DDR2: variants seen among roughly 807,000 people sequenced by gnomAD.
The protein encoded by DDR2 is discoidin domain receptor tyrosine kinase 2.
A neutral mutation model predicts 94.9 loss-of-function variants in DDR2; 27 were observed. The observed-to-expected ratio is 0.28, with a 90% CI of 0.21 to 0.39. DDR2 has a LOEUF of 0.39. Among genes scored for constraint, DDR2 ranks in the 10% least tolerant of loss-of-function variants. DDR2 has a pLI of 1.00. For synonymous variants in DDR2, 382 were observed against 377.2 expected, an observed-to-expected ratio of 1.01 and a Z score of -0.15; for missense variants, 783 against 1,076.0, an observed-to-expected ratio of 0.73 and a Z score of 3.81.
At chr1:162,687,566 C>A (rs1486195092) in intron 2 of DDR2, among the ~76,000 whole-genome samples, 4 of 152,114 alleles carry the variant, frequency 2.6e-5, no homozygotes, top group African/African-American at 9.7e-5. Context: ...GAAAAGAGCT[C>A]TAATGTTGGA....
chr1:162,750,259 C>A (rs942650874), intron 3 of DDR2, among the ~76,000 whole-genome samples: 4 of 152,114 alleles, frequency 2.6e-5, no homozygotes, highest in African/African-American at 9.7e-5. Flanking sequence ...ATCTCAGCCC[C>A]AAATCTCCTT....
intron 2 of DDR2, among the ~76,000 whole-genome samples, chr1:162,693,952 T>C (rs1308196873): frequency 6.6e-6 from 1 of 152,208 alleles, no homozygotes; most frequent in Non-Finnish European, 1.5e-5. Context: ...TCTCATAGTT[T>C]GCAACCTCTG....
At chr1:162,736,867 T>C (rs1259548059) in intron 3 of DDR2, among the ~76,000 whole-genome samples, 1 of 152,198 alleles carries the variant, frequency 6.6e-6, no homozygotes, top group African/African-American at 2.4e-5. Context: ...AGAAGTATAC[T>C]TAGTGTGTTT....
intron 14 of DDR2, among the ~76,000 whole-genome samples, chr1:162,774,366 A>G (rs1647406974): frequency 2.0e-5 from 3 of 152,192 alleles, no homozygotes; most frequent in Admixed American, 2.0e-4. Context: ...GATTTGTCTC[A>G]CTGATATTCA....
chr1:162,711,508 T>G (rs1014349221), intron 2 of DDR2, among the ~76,000 whole-genome samples: 1 of 152,224 alleles, frequency 6.6e-6, no homozygotes, highest in Admixed American at 6.5e-5. Flanking sequence ...AAAAGTTGTT[T>G]TTTGCAATGA....
intron 2 of DDR2, among the ~76,000 whole-genome samples, chr1:162,664,100 G>A (rs149884452): frequency 2.0e-5 from 3 of 152,234 alleles, no homozygotes; most frequent in African/African-American, 7.2e-5. Flanking sequence ...TGCAAAATGC[G>A]GGGAAGGGCT....
chr1:162,766,362 C>A (rs1663988978), intron 10 of DDR2, among the ~76,000 whole-genome samples: 1 of 152,112 alleles, frequency 6.6e-6, no homozygotes, highest in South Asian at 2.1e-4. Flanking sequence ...CTGGGTCAGA[C>A]CCATAGTGGG....
At chr1:162,660,690 C>T (rs1658248120) in intron 2 of DDR2, among the ~76,000 whole-genome samples, 1 of 152,206 alleles carries the variant, frequency 6.6e-6, no homozygotes, top group Non-Finnish European at 1.5e-5. Context: ...TCACCGGACA[C>T]CTTCCCTCCT....
chr1:162,651,758 A>T (rs7533399), intron 1 of DDR2, among the ~76,000 whole-genome samples: 139,330 of 152,270 alleles, frequency 0.92, 64,328 homozygotes, highest in Middle Eastern at 0.98. Flanking sequence ...AAATACTAAT[A>T]AAATTTAAGT....
chr1:162,761,482 G>T (rs1485373838), intron 9 of DDR2, 28 bp downstream of exon 9: 1 of 1,614,124 alleles, frequency 6.2e-7, no homozygotes, highest in Non-Finnish European at 8.5e-7. Context: ...TCTTTGGGAA[G>T]TGGGAGCAAG....
chr1:162,778,144 G>A (rs1359539371), intron 16 of DDR2: 1 of 272,960 alleles, frequency 3.7e-6, no homozygotes, highest in Non-Finnish European at 7.1e-6. Context: ...ACTTGTTAAA[G>A]TCTATCTTTC....
chr1:162,751,582 A>G (rs1483828497), intron 3 of DDR2, among the ~76,000 whole-genome samples: 1 of 152,238 alleles, frequency 6.6e-6, no homozygotes, highest in Non-Finnish European at 1.5e-5. Flanking sequence ...TGTGGAAGAC[A>G]GTGTGGCGAT....
Position 162,731,207 on chromosome 1 carries a change from C to A in DDR2, c.82+12062C>A, listed in dbSNP as rs558038962. 2.0e-5 allele frequency among the ~76,000 whole-genome samples: 3 copies of A among 152,256 alleles called. No individual in the cohort carries two copies. In the South Asian group the frequency reaches 6.2e-4, roughly 32 times the overall value. On this transcript the variant is annotated intron_variant, in intron 3 of 17. Transcript: ENST00000367921. ...TAAAAAGTGAATTTATACTTTATTG[C>A]CACTGTGATTCATGTTAACTAATCA...
chr1:162,725,503 C>G (rs1409995401), intron 3 of DDR2, among the ~76,000 whole-genome samples: 1 of 152,202 alleles, frequency 6.6e-6, no homozygotes, highest in Non-Finnish European at 1.5e-5. Context: ...CTCAGCTCCC[C>G]AAGTAGCTGG....
intron 2 of DDR2, among the ~76,000 whole-genome samples, chr1:162,674,899 A>G (rs1571181179): frequency 6.6e-6 from 1 of 152,192 alleles, no homozygotes; most frequent in Admixed American, 6.5e-5. Context: ...CATGCCTGTA[A>G]TCCCAGCACT....
chr1:162,710,750 CCA>C (rs573317011), intron 2 of DDR2, among the ~76,000 whole-genome samples: 170 of 124,448 alleles, frequency 1.4e-3, no homozygotes, highest in African/African-American at 4.7e-3. Context: ...AATGCAAGTG[CCA>C]CACACAGTCA....
intron 2 of DDR2, among the ~76,000 whole-genome samples, chr1:162,712,032 C>T (rs1044600344): frequency 9.2e-5 from 14 of 151,958 alleles, no homozygotes; most frequent in Non-Finnish European, 1.5e-5. Context: ...CTCTTTCTCA[C>T]TTGGCAGGTC....
At chr1:162,671,194 G>C (rs966458104) in intron 2 of DDR2, among the ~76,000 whole-genome samples, 4 of 152,054 alleles carry the variant, frequency 2.6e-5, no homozygotes, top group Non-Finnish European at 4.4e-5. Context: ...AGAAGGTCGT[G>C]GGGCACAGTA....
At chr1:162,640,996 T>A (rs1381131601) in intron 1 of DDR2, among the ~76,000 whole-genome samples, 1 of 152,020 alleles carries the variant, frequency 6.6e-6, no homozygotes, top group East Asian at 1.9e-4. Flanking sequence ...GCTCAAGCAA[T>A]CCTCCCACCT....
Sources: gnomAD v4.1 joint callset for allele counts (sites outside exome capture counted in the v4.1 genomes callset) on GRCh38, gnomAD v4.1.1 for gene constraint, MANE v1.5 for transcripts, NCBI Gene and HGNC (gene_info 2026-07-23, HGNC 2026-07-21) for gene names.